The following CNTLN variants were observed in gnomAD, a reference collection of about 807,000 sequenced individuals.
The protein encoded by CNTLN is centlein, centrosomal protein.
CNTLN carries 212 observed loss-of-function variants against 180.0 expected under a neutral mutation model. That is an observed-to-expected ratio of 1.18 (90% CI 1.05 to 1.32). CNTLN has a LOEUF of 1.32. Ranked by LOEUF, CNTLN falls within the 40% of genes most tolerant of loss-of-function variation. The pLI is 0.00. For synonymous variants in CNTLN, 722 were observed against 563.1 expected (o/e 1.28, Z -3.99); for missense variants, 2,095 against 1,610.9 (o/e 1.30, Z -5.14).
chr9:17,247,000 TCTA>T, intron 5 of CNTLN, among the ~76,000 whole-genome samples: 1 of 152,210 alleles, frequency 6.6e-6, no homozygotes, highest in East Asian at 1.9e-4. Flanking sequence ...TCAGCTGGTG[TCTA>T]AGTTGCAAGA....
chr9:17,328,024 A>T lies in CNTLN; in HGVS notation c.1342-2608A>T, dbSNP rs193164289. Reference sequence around the variant, plus strand: ...CTTTAAGGAAATTCAGGTAAGTACAAAGAAAATAATTCATATTACAGTCCC... The same window carrying T: ...CTTTAAGGAAATTCAGGTAAGTACATAGAAAATAATTCATATTACAGTCCC... On this transcript the variant is annotated intron_variant, in intron 8 of 25. Transcript: ENST00000380647. Among the ~76,000 whole-genome samples the T allele has an allele frequency of 5.2e-3, 793 of 152,306 alleles. 5 individuals are homozygous for T. The highest frequency in any genetic ancestry group is 8.2e-3 in the Admixed American group (126 of 15,302).
At chr9:17,377,320 G>T (rs1258598316) in intron 13 of CNTLN, among the ~76,000 whole-genome samples, 1 of 152,126 alleles carries the variant, frequency 6.6e-6, no homozygotes, top group Non-Finnish European at 1.5e-5. Context: ...CGACGCAGGT[G>T]GATCACCTGA....
chr9:17,486,813 A>G (rs1408751180), intron 24 of CNTLN, among the ~76,000 whole-genome samples, 176 bp from the exon 25 acceptor site: 1 of 152,148 alleles, frequency 6.6e-6, no homozygotes, highest in Non-Finnish European at 1.5e-5. Context: ...CGTAGTACGT[A>G]TCGATAAATT....
At chr9:17,330,478 A>G (rs1044332988) in intron 8 of CNTLN, among the ~76,000 whole-genome samples, 154 bp from the exon 9 acceptor site, 2 of 152,044 alleles carry the variant, frequency 1.3e-5, no homozygotes, top group Non-Finnish European at 2.9e-5. Flanking sequence ...TGGAATGAAA[A>G]GGTTCAGCTC....
intron 25 of CNTLN, among the ~76,000 whole-genome samples, chr9:17,500,723 A>T (rs1004309847): frequency 6.6e-6 from 1 of 152,158 alleles, no homozygotes; most frequent in Non-Finnish European, 1.5e-5. Context: ...CCTTGTTTCC[A>T]CCAGTAAGGG....
chr9:17,457,799 T>G, intron 19 of CNTLN, 84 bp downstream of exon 19: 1 of 848,520 alleles, frequency 1.2e-6, no homozygotes, highest in South Asian at 5.3e-5. Context: ...TAATTTATTC[T>G]AATAAAGGTA....
chr9:17,323,186 G>A (rs778830592), intron 8 of CNTLN, among the ~76,000 whole-genome samples: 47 of 151,930 alleles, frequency 3.1e-4, no homozygotes, highest in Non-Finnish European at 8.8e-5. Flanking sequence ...CCATGTGATG[G>A]GCTTTTATCA....
At chr9:17,425,353 C>G (rs1829007693) in intron 18 of CNTLN, among the ~76,000 whole-genome samples, 1 of 152,128 alleles carries the variant, frequency 6.6e-6, no homozygotes. Context: ...ATTCTACTCT[C>G]TCTTCCATAA....
intron 8 of CNTLN, among the ~76,000 whole-genome samples, chr9:17,312,358 T>TA (rs1811259253): frequency 6.5e-5 from 1 of 15,310 alleles, no homozygotes; most frequent in Non-Finnish European, 2.1e-4. Context: ...TATATATATA[T>TA]ATATATTATA....
chr9:17,485,714 T>C (rs1588095139), intron 24 of CNTLN, among the ~76,000 whole-genome samples: 1 of 152,134 alleles, frequency 6.6e-6, no homozygotes, highest in East Asian at 1.9e-4. Flanking sequence ...CCTGTGTGCA[T>C]GTATGTGTTT....
At chr9:17,336,657 AT>A (rs2133166301) in intron 10 of CNTLN, among the ~76,000 whole-genome samples, 1 of 152,346 alleles carries the variant, frequency 6.6e-6, no homozygotes, top group East Asian at 1.9e-4. Context: ...GCTGTTAGAT[AT>A]AATAAATTAA....
At chr9:17,368,218 G>T (rs1391281024) in intron 13 of CNTLN, among the ~76,000 whole-genome samples, 1 of 152,246 alleles carries the variant, frequency 6.6e-6, no homozygotes, top group East Asian at 1.9e-4. Context: ...AGTACTCCCT[G>T]TAGGACTGTG....
At chr9:17,486,847 A>C (rs1432163941) in intron 24 of CNTLN, 142 bp from the exon 25 acceptor site, 1 of 571,864 alleles carries the variant, frequency 1.7e-6, no homozygotes, top group East Asian at 3.1e-5. Context: ...CATGGACTTA[A>C]ATATTTCTAC....
Position 17,410,910 on chromosome 9 carries a change from C to T in CNTLN, c.2796+1437C>T, listed in dbSNP as rs1293535246. On this transcript the variant is annotated intron_variant, in intron 16 of 25. Coordinates refer to ENST00000380647, the MANE Select transcript of CNTLN (RefSeq NM_017738.4). Reference sequence around the variant, plus strand: ...TATCAGTATCATGCTGTCTTAGTTACATTTTAGTAGTCTTGATTGCATGTT... The same window carrying T: ...TATCAGTATCATGCTGTCTTAGTTATATTTTAGTAGTCTTGATTGCATGTT... Among the ~76,000 whole-genome samples, 6 of 152,208 alleles carry T rather than the reference C, an allele frequency of 3.9e-5. No individual in the cohort carries two copies. In the East Asian group the frequency reaches 5.8e-4, roughly 15 times the overall value.
At chr9:17,331,940 G>C (rs544493604) in intron 9 of CNTLN, among the ~76,000 whole-genome samples, 1 of 152,130 alleles carries the variant, frequency 6.6e-6, no homozygotes, top group Non-Finnish European at 1.5e-5. Flanking sequence ...AAAAAGAGAG[G>C]GGTATTATGG....
At position 17,363,437 on chromosome 9, in the gene CNTLN, T is replaced by A. The variant is rs1323308765; in HGVS notation, c.1887-3180T>A. ...ATTCTAACTGGCGTGAGATGGTATC[T>A]CATTGTAGTTTTGACTTATGCTCCT... On this transcript the variant is annotated intron_variant, in intron 12 of 25. Coordinates refer to ENST00000380647, the MANE Select transcript of CNTLN (RefSeq NM_017738.4). Among the ~76,000 whole-genome samples, 8 of 152,272 alleles carry A rather than the reference T, an allele frequency of 5.3e-5. No homozygotes were observed. The East Asian group carries it at 1.5e-3, about 29-fold the overall frequency.
intron 1 of CNTLN, among the ~76,000 whole-genome samples, chr9:17,135,626 T>C (rs1157144189): frequency 2.6e-5 from 4 of 151,974 alleles, no homozygotes; most frequent in African/African-American, 9.7e-5. Flanking sequence ...CCTGCCCCTT[T>C]CCGAACTGCG....
intron 15 of CNTLN, among the ~76,000 whole-genome samples, chr9:17,408,509 T>G (rs1411448694): frequency 1.3e-5 from 2 of 151,960 alleles, no homozygotes; most frequent in Non-Finnish European, 2.9e-5. Flanking sequence ...CCCACAAAAG[T>G]CCCTGGGCCC....
chr9:17,419,061 T>C lies in CNTLN; in HGVS notation c.3114+2872T>C, dbSNP rs7030487. Among the ~76,000 whole-genome samples the C allele has an allele frequency of 9.1e-3, 1,387 of 152,208 alleles. 22 individuals carry two copies. Among genetic ancestry groups the C allele is most frequent in the African/African-American group, 0.031 (1,301 of 41,570 alleles). On this transcript the variant is annotated intron_variant, in intron 18 of 25. Coordinates refer to ENST00000380647, the MANE Select transcript of CNTLN (RefSeq NM_017738.4). ...TTTTGGAAGAAAATTTTAACCAAGA[T>C]AATAGATTTTTTACATGTTTAGACT...
Sources: allele counts gnomAD v4.1 joint callset (sites outside exome capture counted in the v4.1 genomes callset), GRCh38; gene constraint gnomAD v4.1.1; transcripts MANE v1.5; gene names NCBI Gene and HGNC (gene_info 2026-07-23, HGNC 2026-07-21).